APBB2: variants seen among roughly 807,000 people sequenced by gnomAD.
The protein encoded by APBB2 is Fe65-like 1.
A neutral mutation model predicts 82.5 loss-of-function variants in APBB2; 38 were observed. The observed-to-expected ratio is 0.46, with a 90% confidence interval of 0.36 to 0.60. The LOEUF (loss-of-function observed/expected upper bound fraction) is 0.60. Among genes scored for constraint, APBB2 ranks in the 20% least tolerant of loss-of-function variants. The probability of loss-of-function intolerance (pLI) is 0.00; values close to 1 mark genes in which losing one functional copy is unlikely to be tolerated. For missense variants in APBB2, 772 were observed against 972.3 expected (o/e 0.79, Z 2.74); for synonymous variants, 341 against 368.2 (o/e 0.93, Z 0.85).
At chr4:40,948,072 T>G (rs549370511) in intron 6 of APBB2, among the ~76,000 whole-genome samples, 1 of 152,224 alleles carries the variant, frequency 6.6e-6, no homozygotes, top group Non-Finnish European at 1.5e-5. Flanking sequence ...TGATGGCATA[T>G]GTGAACGTCC....
chr4:40,993,363 T>C (rs4408994), intron 6 of APBB2, among the ~76,000 whole-genome samples: 30,020 of 130,652 alleles, frequency 0.23, 3,863 homozygotes, highest in East Asian at 0.48. Context: ...TCTTCTCTCT[T>C]TTTTTTTTTT....
chr4:40,900,161 A>G lies in APBB2; in HGVS notation c.1255-6750T>C, dbSNP rs548815292. Among the ~76,000 whole-genome samples the G allele has an allele frequency of 2.6e-5, 4 of 152,382 alleles. No homozygotes were observed. The South Asian group carries it at 8.3e-4, about 32-fold the overall frequency. ...ACAAATGTAATCCTAATTAACAGTC[A>G]TCTATGGGAATCATTTACCACTCAA... On this transcript the variant is annotated intron_variant, in intron 10 of 17. Transcript: ENST00000508593.
intron 10 of APBB2, among the ~76,000 whole-genome samples, chr4:40,897,198 C>T (rs1365325525): frequency 2.6e-5 from 4 of 151,512 alleles, no homozygotes; most frequent in Non-Finnish European, 5.9e-5. Context: ...CTCACCCCAG[C>T]ACATTAATAA....
chr4:41,011,271 C>T (rs949319496), intron 6 of APBB2, among the ~76,000 whole-genome samples: 4 of 151,372 alleles, frequency 2.6e-5, no homozygotes, highest in Non-Finnish European at 4.4e-5. Flanking sequence ...ACCTCTGTCT[C>T]CCAGGTTCAA....
intron 10 of APBB2, among the ~76,000 whole-genome samples, chr4:40,920,269 T>C (rs761368750): frequency 1.3e-5 from 2 of 152,170 alleles, no homozygotes; most frequent in Non-Finnish European, 2.9e-5. Context: ...TGCTGCCATG[T>C]AAGATGTGCC....
At chr4:41,098,997 A>G (rs1021889355) in intron 3 of APBB2, among the ~76,000 whole-genome samples, 14 of 152,388 alleles carry the variant, frequency 9.2e-5, no homozygotes, top group African/African-American at 3.4e-4. Context: ...TTACAAGACA[A>G]TAAAATTCAA....
At chr4:41,202,111 T>C (rs1776841495) in intron 1 of APBB2, among the ~76,000 whole-genome samples, 1 of 152,262 alleles carries the variant, frequency 6.6e-6, no homozygotes. Context: ...TGTATAGTTC[T>C]GCAGCATTAA....
At chr4:40,962,014 A>G (rs1793434126) in intron 6 of APBB2, among the ~76,000 whole-genome samples, 1 of 152,208 alleles carries the variant, frequency 6.6e-6, no homozygotes, top group South Asian at 2.1e-4. Context: ...AGACCCTCCA[A>G]TTCTAGGTCA....
At chr4:41,169,084 C>T (rs1767523824) in intron 1 of APBB2, among the ~76,000 whole-genome samples, 1 of 149,830 alleles carries the variant, frequency 6.7e-6, no homozygotes, top group South Asian at 2.1e-4. Flanking sequence ...ACTCAGGAGG[C>T]TGAGGCAGGA....
rs139903199 is a variant in APBB2, at chr4:40,959,815, C to A, written c.836-14742G>T. 1.5e-3 allele frequency among the ~76,000 whole-genome samples: 235 copies of A among 152,258 alleles called. 1 individual carries two copies. Among genetic ancestry groups the A allele is most frequent in the African/African-American group, 5.2e-3 (218 of 41,534 alleles). Reference sequence around the variant, plus strand: ...AGAACTATAGCATGCACTTCCAGAGCACTACAGGACTTCCAAAGAGCTATA... The same window carrying A: ...AGAACTATAGCATGCACTTCCAGAGAACTACAGGACTTCCAAAGAGCTATA... On this transcript the variant is annotated intron_variant, in intron 6 of 17. Transcript: ENST00000508593.
intron 5 of APBB2, among the ~76,000 whole-genome samples, chr4:41,030,080 C>CG (rs1263527401): frequency 2.0e-5 from 3 of 152,030 alleles, no homozygotes; most frequent in African/African-American, 4.8e-5. Flanking sequence ...CACTTGAACC[C>CG]GGGGGGCGAA....
At chr4:41,204,118 A>C (rs1451863424) in intron 1 of APBB2, among the ~76,000 whole-genome samples, 1 of 152,244 alleles carries the variant, frequency 6.6e-6, no homozygotes, top group Admixed American at 6.5e-5. Flanking sequence ...GGATGGTCGC[A>C]GGCAATGGCA....
intron 4 of APBB2, among the ~76,000 whole-genome samples, chr4:41,052,260 C>T (rs1726266261): frequency 1.4e-5 from 2 of 147,714 alleles, no homozygotes; most frequent in Non-Finnish European, 1.5e-5. Context: ...CAAAATCTCA[C>T]TTCACTGATA....
chr4:40,857,035 C>G, intron 12 of APBB2: 1 of 985,596 alleles, frequency 1.0e-6, no homozygotes, highest in Non-Finnish European at 1.2e-6. Flanking sequence ...CCTTTGCCTC[C>G]CGGTCCTTCC....
At chr4:40,816,714 A>G (rs1039992178) in intron 17 of APBB2, among the ~76,000 whole-genome samples, 1 of 152,224 alleles carries the variant, frequency 6.6e-6, no homozygotes, top group Admixed American at 6.5e-5. Flanking sequence ...AATCTCTCTG[A>G]GCCTCAGTTT....
At chr4:41,113,416 A>G (rs576012821) in intron 2 of APBB2, among the ~76,000 whole-genome samples, 2 of 152,306 alleles carry the variant, frequency 1.3e-5, no homozygotes, top group South Asian at 4.1e-4. Flanking sequence ...AAATCACGTC[A>G]TCTGCAAACA....
chr4:40,847,668 G>A (rs1369116743), intron 12 of APBB2, among the ~76,000 whole-genome samples: 1 of 152,204 alleles, frequency 6.6e-6, no homozygotes, highest in Non-Finnish European at 1.5e-5. Context: ...GCCACATGGA[G>A]GACCTCTTGT....
chr4:41,087,394 A>T (rs758757358), intron 3 of APBB2, among the ~76,000 whole-genome samples: 16 of 152,268 alleles, frequency 1.1e-4, no homozygotes, highest in Non-Finnish European at 1.9e-4. Flanking sequence ...AATCAGAAGC[A>T]ATTAAATCTA....
intron 7 of APBB2, among the ~76,000 whole-genome samples, chr4:40,937,849 G>A (rs949714409): frequency 2.0e-5 from 3 of 152,180 alleles, no homozygotes; most frequent in South Asian, 4.1e-4. Flanking sequence ...TAAGAAGAGA[G>A]AATATTTTCT....
Sources: allele counts gnomAD v4.1 joint callset (sites outside exome capture counted in the v4.1 genomes callset), GRCh38; gene constraint gnomAD v4.1.1; transcripts MANE v1.5; gene names NCBI Gene and HGNC (gene_info 2026-07-23, HGNC 2026-07-21).